Variants in PIEZO2 observed in about 807,000 individuals in gnomAD.
PIEZO2 encodes piezo-type mechanosensitive ion channel component 2.
A neutral mutation model predicts 337.3 loss-of-function variants in PIEZO2; 172 were observed. The ratio of observed to expected loss-of-function variants is 0.51; its 90% confidence interval spans 0.45 to 0.58. The LOEUF is 0.58. Ranked by LOEUF, PIEZO2 falls within the 20% of genes least tolerant of loss-of-function variation. The pLI, the probability that PIEZO2 is intolerant of heterozygous loss-of-function variation, is 0.00. For missense variants in PIEZO2, 3,028 were observed against 3,391.3 expected (o/e 0.89, Z 2.66); for synonymous variants, 1,251 against 1,228.5 (o/e 1.02, Z -0.38).
At chr18:10,697,189 C>A (rs2035131631) in intron 45 of PIEZO2, among the ~76,000 whole-genome samples, 1 of 152,150 alleles carries the variant, frequency 6.6e-6, no homozygotes, top group Non-Finnish European at 1.5e-5. Flanking sequence ...CTGGGACCTG[C>A]CTTCAGTTCA....
chr18:11,124,100 G>T (rs2040112892), intron 1 of PIEZO2, among the ~76,000 whole-genome samples: 1 of 152,170 alleles, frequency 6.6e-6, no homozygotes, highest in African/African-American at 2.4e-5. Context: ...CAGAGTTTAG[G>T]TAAGTATATA....
chr18:10,964,058 T>C (rs1413755354), intron 3 of PIEZO2, among the ~76,000 whole-genome samples: 1 of 152,170 alleles, frequency 6.6e-6, no homozygotes, highest in African/African-American at 2.4e-5. Context: ...GAAGCTCATC[T>C]ATGGGTATCA....
At chr18:10,989,927 T>C (rs2035025880) in intron 2 of PIEZO2, among the ~76,000 whole-genome samples, 1 of 152,130 alleles carries the variant, frequency 6.6e-6, no homozygotes, top group Non-Finnish European at 1.5e-5. Flanking sequence ...TCCGACCCAG[T>C]CATCACATTC....
Position 11,069,170 on chromosome 18 carries a change from T to A in PIEZO2, c.65-2948A>T, listed in dbSNP as rs916025523. ...TAAAGAAGAGGGAATACTTGCAAAG[T>A]CATCCTATGTGGTCATCACTACCCT... On this transcript the variant is annotated intron_variant, in intron 1 of 55. Coordinates refer to ENST00000674853, the MANE Select transcript of PIEZO2 (RefSeq NM_001378183.1). This position sits in a 1 kb window ranked among gnomAD's most constrained non-coding sequence, Gnocchi z 4.9. 6.2e-4 allele frequency among the ~76,000 whole-genome samples: 95 copies of A among 152,302 alleles called. No homozygotes were observed. Among genetic ancestry groups the A allele is most frequent in the African/African-American group, 2.2e-3 (93 of 41,572 alleles).
chr18:10,752,941 G>T, intron 27 of PIEZO2, 62 bp from the exon 28 acceptor site: 1 of 1,490,956 alleles, frequency 6.7e-7, no homozygotes, highest in Non-Finnish European at 8.9e-7. Context: ...GCAAAATCAG[G>T]AAAGTCTTTA....
intron 4 of PIEZO2, among the ~76,000 whole-genome samples, chr18:10,907,705 G>A (rs1280449731): frequency 2.0e-5 from 3 of 152,070 alleles, no homozygotes; most frequent in South Asian, 2.1e-4. Flanking sequence ...GGGTGTCCAC[G>A]AATGTACAAA....
At chr18:11,087,751 G>A (rs1387867373) in intron 1 of PIEZO2, among the ~76,000 whole-genome samples, 1 of 152,182 alleles carries the variant, frequency 6.6e-6, no homozygotes, top group East Asian at 1.9e-4. Context: ...CCTCCGTAAC[G>A]TTTTCAACTT....
rs2038820668 is a variant in PIEZO2 at position 11,083,513 on chromosome 18, T to C, written c.65-17291A>G. ...AGGGGAACTAGAGAGAGGAGAAGCC[T>C]GTACACAAAGGGGGAGCCACTCAGG... On this transcript the variant is annotated intron_variant, in intron 1 of 55. Transcript: ENST00000674853. The surrounding 1 kb of genome is among the most constrained non-coding windows in gnomAD (Gnocchi z 4.4). 3.3e-5 allele frequency among the ~76,000 whole-genome samples: 5 copies of C among 152,110 alleles called. No homozygotes were observed. The highest frequency in any genetic ancestry group is 1.2e-4 in the African/African-American group (5 of 41,424).
rs1331663904 is a variant in PIEZO2 at position 10,847,444 on chromosome 18, G to T, written c.917+7909C>A. On this transcript the variant is annotated intron_variant, in intron 7 of 55. Transcript: ENST00000674853. This position sits in a 1 kb window ranked among gnomAD's most constrained non-coding sequence, Gnocchi z 5.7. The stretch of plus-strand genomic sequence containing the variant: ...CCAGGCTGAGAGTCTGGAAGGTGCA[G>T]TGGGGAAGTCTTAGGTCACTGGGCT... Among the ~76,000 whole-genome samples the T allele has an allele frequency of 6.6e-6, 1 of 152,220 alleles. No homozygotes were observed. Among genetic ancestry groups the T allele is most frequent in the Non-Finnish European group, 1.5e-5 (1 of 68,026 alleles).
intron 8 of PIEZO2, among the ~76,000 whole-genome samples, chr18:10,806,537 A>T (rs2144322594): frequency 1.3e-5 from 2 of 152,130 alleles, no homozygotes; most frequent in Admixed American, 1.3e-4. Context: ...ACAAGGGGAT[A>T]CTCAGGAGGC....
At chr18:10,879,087 G>C (rs2042342863) in intron 4 of PIEZO2, among the ~76,000 whole-genome samples, 1 of 152,218 alleles carries the variant, frequency 6.6e-6, no homozygotes, top group Admixed American at 6.5e-5. Context: ...TCCAGGGACA[G>C]TGCATAGCAT....
intron 4 of PIEZO2, among the ~76,000 whole-genome samples, chr18:10,886,343 T>TACAC (rs1555669500): frequency 0.5 from 11,794 of 23,774 alleles, 3,748 homozygotes; most frequent in East Asian, 0.71. Flanking sequence ...TATATATATA[T>TACAC]ACACACACAC....
intron 1 of PIEZO2, among the ~76,000 whole-genome samples, chr18:11,113,170 C>A (rs1258561654): frequency 6.7e-6 from 1 of 150,308 alleles, no homozygotes; most frequent in Admixed American, 6.6e-5. Flanking sequence ...CCCACCCCAG[C>A]CCCTGAAACC....
At position 11,031,889 on chromosome 18, in the gene PIEZO2, T is replaced by G. The variant is rs151065445; in HGVS notation, c.160+34238A>C. Among the ~76,000 whole-genome samples, 174 of 152,318 alleles carry G rather than the reference T, an allele frequency of 1.1e-3. No homozygotes were observed. Among genetic ancestry groups the G allele is most frequent in the African/African-American group, 4.1e-3 (169 of 41,562 alleles). Reference sequence around the variant, plus strand: ...TTATAATCCATTTGGCTGCTGAATATTAGCCCAACCCTTTATTCTCACCAT... The same window carrying G: ...TTATAATCCATTTGGCTGCTGAATAGTAGCCCAACCCTTTATTCTCACCAT... On this transcript the variant is annotated intron_variant, in intron 2 of 55. Coordinates refer to ENST00000674853, the MANE Select transcript of PIEZO2 (RefSeq NM_001378183.1). This position sits in a 1 kb window ranked among gnomAD's most constrained non-coding sequence, Gnocchi z 4.7.
Position 10,824,169 on chromosome 18 carries a change from T to C in PIEZO2, c.918-16895A>G, listed in dbSNP as rs2040601340. On this transcript the variant is annotated intron_variant, in intron 7 of 55. Coordinates refer to ENST00000674853, the MANE Select transcript of PIEZO2 (RefSeq NM_001378183.1). This position sits in a 1 kb window ranked among gnomAD's most constrained non-coding sequence, Gnocchi z 4.4. The stretch of plus-strand genomic sequence containing the variant: ...ATTTTAACTTCTGGGTAGTATTTCA[T>C]TGCATAAATAAACCACAGACTACTC... 6.6e-6 allele frequency among the ~76,000 whole-genome samples: 1 copy of C among 152,236 alleles called. No homozygotes were observed. Among genetic ancestry groups the C allele is most frequent in the Non-Finnish European group, 1.5e-5 (1 of 68,038 alleles).
intron 3 of PIEZO2, among the ~76,000 whole-genome samples, chr18:10,914,182 G>A (rs2030730816): frequency 6.6e-6 from 1 of 152,060 alleles, no homozygotes; most frequent in Admixed American, 6.6e-5. Context: ...CACGGGGAAA[G>A]TAGAGAAAAC....
chr18:11,081,149 A>G (rs563232573), intron 1 of PIEZO2, among the ~76,000 whole-genome samples: 227 of 152,340 alleles, frequency 1.5e-3, no homozygotes, highest in Non-Finnish European at 2.4e-3. Context: ...GGGAGGTTCT[A>G]CTGAAAGGCA....
At chr18:10,915,410 T>C (rs1009646640) in intron 3 of PIEZO2, among the ~76,000 whole-genome samples, 3 of 151,434 alleles carry the variant, frequency 2.0e-5, no homozygotes, top group African/African-American at 4.9e-5. Flanking sequence ...GGGGCTCTGA[T>C]ACCTGTATCT....
intron 3 of PIEZO2, among the ~76,000 whole-genome samples, chr18:10,941,424 G>C (rs575133828): frequency 6.6e-6 from 1 of 152,254 alleles, no homozygotes; most frequent in African/African-American, 2.4e-5. Flanking sequence ...AGGGTTGCTT[G>C]TTTAGTATAA....
Sources: gnomAD v4.1 joint callset for allele counts (sites outside exome capture counted in the v4.1 genomes callset) on GRCh38, gnomAD v4.1.1 for gene constraint, Gnocchi (gnomAD v3.1) non-coding constraint, MANE v1.5 for transcripts, NCBI Gene and HGNC (gene_info 2026-07-23, HGNC 2026-07-21) for gene names.